Variants in PCDHGB5 observed in about 807,000 individuals in gnomAD.
PCDHGB5 encodes the protein protocadherin gamma-B5.
PCDHGB5 carries 48 observed loss-of-function variants against 62.9 expected under a neutral mutation model. The observed-to-expected ratio is 0.76, with a 90% CI of 0.61 to 0.97. The LOEUF (loss-of-function observed/expected upper bound fraction) is 0.97, where lower values mean the gene tolerates loss of function less well. Among genes scored for constraint, PCDHGB5 ranks in the 50% least tolerant of loss-of-function variants. The pLI is 0.00. For synonymous variants in PCDHGB5, 474 were observed against 511.2 expected (o/e 0.93, Z 0.98); for missense variants, 1,118 against 1,198.6 (o/e 0.93, Z 0.99).
intron 1 of PCDHGB5, among the ~76,000 whole-genome samples, chr5:141,452,253 T>G (rs2098736880): frequency 6.6e-6 from 1 of 152,166 alleles, no homozygotes; most frequent in Admixed American, 6.5e-5. Context: ...TTGCCATAAC[T>G]CTCTCATTTT....
chr5:141,486,121 T>G lies in PCDHGB5; in HGVS notation c.2398-8686T>G. The G allele has an allele frequency of 6.2e-7, 1 of 1,614,204 alleles. No homozygotes were observed. Among genetic ancestry groups the G allele is most frequent in the Non-Finnish European group, 8.5e-7 (1 of 1,180,036 alleles). Reference sequence around the variant, plus strand: ...TAGACTTTGAGAGTGAGAATTACTATGAATTTGATGTGCGGGCTCGCGATG... The same window carrying G: ...TAGACTTTGAGAGTGAGAATTACTAGGAATTTGATGTGCGGGCTCGCGATG... On this transcript the variant is annotated intron_variant, in intron 1 of 3. Transcript: ENST00000617380. The surrounding 1 kb of genome is among the most constrained non-coding windows in gnomAD (Gnocchi z 5.0).
rs774563598 is a variant in PCDHGB5 at position 141,431,225 on chromosome 5, C to T, written c.2397+30701C>T. 16 of 1,614,118 alleles carry T rather than the reference C, an allele frequency of 9.9e-6. No individual in the cohort carries two copies. The highest frequency in any genetic ancestry group is 1.2e-5 in the Non-Finnish European group (14 of 1,180,036). On this transcript the variant is annotated intron_variant, in intron 1 of 3. Transcript: ENST00000617380. The surrounding 1 kb of genome is among the most constrained non-coding windows in gnomAD (Gnocchi z 4.8). ...CACTGAGATGCGGTTCCCTCTACCC[C>T]ACGCCTGGGATCCGGATATCGGGAA...
chr5:141,426,276 C>A, intron 1 of PCDHGB5: 1 of 164,340 alleles, frequency 6.1e-6, no homozygotes, highest in South Asian at 1.6e-4. Context: ...TGCAGCAACG[C>A]ATGGGAAGGA....
chr5:141,467,736 G>A (rs1435480730), intron 1 of PCDHGB5, among the ~76,000 whole-genome samples: 1 of 151,902 alleles, frequency 6.6e-6, no homozygotes, highest in Non-Finnish European at 1.5e-5. Flanking sequence ...ATCCCAGCTC[G>A]CTGCAACCTC....
intron 1 of PCDHGB5, chr5:141,419,166 A>G: frequency 6.2e-7 from 1 of 1,613,944 alleles, no homozygotes; most frequent in Non-Finnish European, 8.5e-7. Context: ...TCCTCCAGCA[A>G]AACCATAACC....
Position 141,491,498 on chromosome 5 carries a change from C to T in PCDHGB5, c.2398-3309C>T, listed in dbSNP as rs975297143. 2 of 1,614,102 alleles carry T rather than the reference C, an allele frequency of 1.2e-6. No homozygotes were observed. Among genetic ancestry groups the T allele is most frequent in the Non-Finnish European group, 1.7e-6 (2 of 1,180,018 alleles). ...TCCAGCCCCAACCTGCAGGTGAGCT[C>T]GGACGGCACGCTCAAGTACATGGAG... On this transcript the variant is annotated intron_variant, in intron 1 of 3. Transcript: ENST00000617380. The surrounding 1 kb of genome is among the most constrained non-coding windows in gnomAD (Gnocchi z 6.9).
chr5:141,437,518 T>C (rs1482415074), intron 1 of PCDHGB5, among the ~76,000 whole-genome samples: 1 of 152,210 alleles, frequency 6.6e-6, no homozygotes, highest in African/African-American at 2.4e-5. Flanking sequence ...ATAAGGCTGA[T>C]GACAAATGAG....
chr5:141,477,890 C>A lies in PCDHGB5; in HGVS notation c.2398-16917C>A, dbSNP rs202114426. On this transcript the variant is annotated intron_variant, in intron 1 of 3. Transcript: ENST00000617380. This position sits in a 1 kb window ranked among gnomAD's most constrained non-coding sequence, Gnocchi z 4.9. ...TACCTCAGCTGGCCACCTAGTGTCA[C>A]GGGTGGTAGGCTGGGACGCGGATGC... is the stretch of plus-strand genomic sequence containing the variant. 3.1e-6 allele frequency: 5 copies of A among 1,614,204 alleles called. 1 individual carries two copies. In the Admixed American group the frequency reaches 8.3e-5, roughly 27 times the overall value.
chr5:141,454,948 C>T (rs2098807728), intron 1 of PCDHGB5, among the ~76,000 whole-genome samples: 1 of 151,548 alleles, frequency 6.6e-6, no homozygotes, highest in Non-Finnish European at 1.5e-5. Flanking sequence ...GCTGGGACTA[C>T]AGGCGCCGGC....
intron 1 of PCDHGB5, among the ~76,000 whole-genome samples, chr5:141,466,268 T>A (rs568525260): frequency 6.6e-6 from 1 of 152,150 alleles, no homozygotes; most frequent in Non-Finnish European, 1.5e-5. Context: ...CCTCGTGAGC[T>A]CAAGCAATCT....
At chr5:141,473,511 C>T (rs952034051) in intron 1 of PCDHGB5, among the ~76,000 whole-genome samples, 23 of 152,108 alleles carry the variant, frequency 1.5e-4, no homozygotes, top group Non-Finnish European at 3.1e-4. Flanking sequence ...GAGAGCATAA[C>T]AAAGGATCCT....
chr5:141,458,496 A>T (rs905073741), intron 1 of PCDHGB5, among the ~76,000 whole-genome samples: 1 of 151,694 alleles, frequency 6.6e-6, no homozygotes, highest in Non-Finnish European at 1.5e-5. Flanking sequence ...CTGCCTGTAC[A>T]TACTGTTTGA....
chr5:141,477,874 T>G lies in PCDHGB5; in HGVS notation c.2398-16933T>G. On this transcript the variant is annotated intron_variant, in intron 1 of 3. Coordinates refer to ENST00000617380, the MANE Select transcript of PCDHGB5 (RefSeq NM_018925.3). This position sits in a 1 kb window ranked among gnomAD's most constrained non-coding sequence, Gnocchi z 4.9. ...AGATGCTGCCTCGAGGTACCTCAGC[T>G]GGCCACCTAGTGTCACGGGTGGTAG... 1 of 1,614,176 alleles carries G rather than the reference T, an allele frequency of 6.2e-7. No individual in the cohort carries two copies. The highest frequency in any genetic ancestry group is 8.5e-7 in the Non-Finnish European group (1 of 1,180,028).
intron 1 of PCDHGB5, among the ~76,000 whole-genome samples, chr5:141,453,490 G>A (rs921556476): frequency 6.6e-6 from 1 of 151,922 alleles, no homozygotes; most frequent in Admixed American, 6.6e-5. Flanking sequence ...TTAAAAAAAG[G>A]TGTACTCAGA....
At chr5:141,430,737 A>G in intron 1 of PCDHGB5, 1 of 1,498,286 alleles carries the variant, frequency 6.7e-7, no homozygotes, top group South Asian at 1.4e-5. Flanking sequence ...CAGAATTGAA[A>G]ATAATTCTGG....
chr5:141,468,226 G>T (rs967204965), intron 1 of PCDHGB5, among the ~76,000 whole-genome samples: 2 of 151,038 alleles, frequency 1.3e-5, no homozygotes, highest in Admixed American at 1.3e-4. Flanking sequence ...TTGGGAGGAT[G>T]AGGTAGGAGA....
In PCDHGB5 at chr5:141,409,431, T is replaced by C. The variant is rs191277647; in HGVS notation, c.2397+8907T>C. 41 of 1,614,006 alleles carry C rather than the reference T, an allele frequency of 2.5e-5. No homozygotes were observed. In the African/African-American group the frequency reaches 3.9e-4, roughly 15 times the overall value. Reference sequence around the variant, plus strand: ...TACAAACTGGTGACAGATGGAGCCCTGGACCGAGAGCAGACACCAGAATAC... The same window carrying C: ...TACAAACTGGTGACAGATGGAGCCCCGGACCGAGAGCAGACACCAGAATAC... On this transcript the variant is annotated intron_variant, in intron 1 of 3. Transcript: ENST00000617380.
intron 1 of PCDHGB5, among the ~76,000 whole-genome samples, chr5:141,454,626 G>A (rs1206050863): frequency 6.6e-6 from 1 of 151,304 alleles, no homozygotes; most frequent in African/African-American, 2.4e-5. Flanking sequence ...GGCTGGTCTC[G>A]AACCCCCAAC....
rs762687404 is a variant in PCDHGB5 at position 141,486,468 on chromosome 5, A to G, written c.2398-8339A>G. Reference sequence around the variant, plus strand: ...ATGGTCACTGCTTCTGATGCTGGGAACCCTCCTCTCAGTACCCACAGAACT... The same window carrying G: ...ATGGTCACTGCTTCTGATGCTGGGAGCCCTCCTCTCAGTACCCACAGAACT... On this transcript the variant is annotated intron_variant, in intron 1 of 3. Transcript: ENST00000617380. This position sits in a 1 kb window ranked among gnomAD's most constrained non-coding sequence, Gnocchi z 5.0. The G allele has an allele frequency of 1.2e-6, 2 of 1,612,906 alleles. No individual in the cohort carries two copies. Among genetic ancestry groups the G allele is most frequent in the Middle Eastern group, 1.6e-4 (1 of 6,062 alleles).
Sources: allele counts gnomAD v4.1 joint callset (sites outside exome capture counted in the v4.1 genomes callset), GRCh38; gene constraint gnomAD v4.1.1; non-coding constraint Gnocchi (gnomAD v3.1); transcripts MANE v1.5; gene names NCBI Gene and HGNC (gene_info 2026-07-23, HGNC 2026-07-21).